The following ZFYVE16 variants were observed in gnomAD, a reference collection of about 807,000 sequenced individuals.
The protein encoded by ZFYVE16 is zinc finger FYVE-type containing 16, also known as zinc finger FYVE domain-containing protein 16.
In ZFYVE16, 89 loss-of-function variants were observed where a neutral mutation model predicts 138.1. The observed-to-expected ratio is 0.64, with a 90% CI of 0.54 to 0.77. The LOEUF is 0.77. ZFYVE16 is among the 30% of genes least tolerant of loss of function. ZFYVE16 has a pLI of 0.00. For missense variants in ZFYVE16, 1,793 were observed against 1,786.7 expected (o/e 1.00, Z -0.06); for synonymous variants, 596 against 618.3 (o/e 0.96, Z 0.53).
chr5:80,432,400 G>A (rs1749182048), intron 2 of ZFYVE16, among the ~76,000 whole-genome samples: 1 of 152,168 alleles, frequency 6.6e-6, no homozygotes, highest in Non-Finnish European at 1.5e-5. Flanking sequence ...AGCTGAAACT[G>A]GAATCCCTTC....
rs1208201212 is a variant in ZFYVE16, at chr5:80,470,101, A to ATAT, written c.4025-2659_4025-2658insATT. Among the ~76,000 whole-genome samples the ATAT allele has an allele frequency of 6.8e-3, 741 of 108,514 alleles. 23 individuals are homozygous for ATAT. The highest frequency in any genetic ancestry group is 0.03 in the African/African-American group (707 of 23,620). 71.2% of individuals were successfully genotyped at this position (108,514 alleles called of 152,430 possible). A position where few individuals can be genotyped will look rare whatever the true frequency, so the allele number is the denominator to read the frequency against. ...TGTGTGTGTGTGTGTGTGTGTGTGT[A>ATAT]TTTTTTTTTTTTTTTTTTGAGACAG... On this transcript the variant is annotated intron_variant, in intron 15 of 18. Transcript: ENST00000505560.
Position 80,445,255 on chromosome 5 carries a change from G to T in ZFYVE16, c.2582-8G>T. 1 of 1,602,592 alleles carries T rather than the reference G, an allele frequency of 6.2e-7. No homozygotes were observed. Among genetic ancestry groups the T allele is most frequent in the South Asian group, 1.1e-5 (1 of 88,498 alleles). Reference sequence around the variant, plus strand: ...ATTCAAATGTTTTACTTTTTCAATTGATTCTAGGACTATGTTCCAAAGAAC... The same window carrying T: ...ATTCAAATGTTTTACTTTTTCAATTTATTCTAGGACTATGTTCCAAAGAAC... On this transcript the variant is annotated splice_polypyrimidine_tract_variant and splice_region_variant and intron_variant, in intron 6 of 18. Transcript: ENST00000505560.
chr5:80,439,242 A>G (rs1750378441), intron 4 of ZFYVE16, among the ~76,000 whole-genome samples: 1 of 152,350 alleles, frequency 6.6e-6, no homozygotes, highest in East Asian at 1.9e-4. Context: ...AATGAGAAAC[A>G]ATTATTTAGT....
Position 80,437,235 on chromosome 5 carries a change from A to G in ZFYVE16, c.550A>G (p.Thr184Ala), listed in dbSNP as rs199870656. 1.2e-6 allele frequency: 2 copies of G among 1,613,976 alleles called. No individual in the cohort carries two copies. The highest frequency in any genetic ancestry group is 1.7e-6 in the Non-Finnish European group (2 of 1,179,936). ...CVSSTDHDSD[T>A]VREQQNDISS... ...TTCTTCAACAGACCATGATAGTGAT[A>G]CTGTCAGAGAACAACAGAATGATAT... Residue 184 changes from threonine (T) to alanine (A), a missense_variant, in exon 4 of 19, where the codon ACT (threonine) becomes GCT (alanine). Physicochemically the swap from Thr to Ala is moderately conservative, Grantham distance 58 (BLOSUM62 0). Around this residue, in one of 2 missense-constraint regions of ZFYVE16, gnomAD observed 1,295 missense variants for 1,204.3 expected, o/e 1.08. Coordinates refer to ENST00000505560, the MANE Select transcript of ZFYVE16 (RefSeq NM_001284236.3).
At chr5:80,419,802 G>GT (rs749112855) in intron 1 of ZFYVE16, among the ~76,000 whole-genome samples, 5 of 145,842 alleles carry the variant, frequency 3.4e-5, no homozygotes, top group East Asian at 3.9e-4. Context: ...CATGTCTTTG[G>GT]TTTTTTTTTG....
At chr5:80,470,283 A>G (rs1754241811) in intron 15 of ZFYVE16, among the ~76,000 whole-genome samples, 1 of 148,700 alleles carries the variant, frequency 6.7e-6, no homozygotes, top group Admixed American at 6.7e-5. Context: ...TCGTATTTTT[A>G]GTAGAGACAG....
rs375308114 is a variant in ZFYVE16, at chr5:80,448,264, G to A, written c.2963G>A (p.Ser988Asn). ...PSSPTGVLVN[S>N]NLPIASISDY... ...AGTCCTACTGGTGTCTTAGTTAACA[G>A]CAATTTACCTATTGCTAGTATTTCA... Residue 988 changes from serine (S) to asparagine (N), a missense_variant, in exon 8 of 19, where the codon AGC becomes AAC. Ser to Asn is a conservative substitution (Grantham distance 46, BLOSUM62 1). Coordinates refer to ENST00000505560, the MANE Select transcript of ZFYVE16 (RefSeq NM_001284236.3). 7 of 1,613,546 alleles carry A rather than the reference G, an allele frequency of 4.3e-6. No individual in the cohort carries two copies. The African/African-American group carries it at 6.7e-5, about 15-fold the overall frequency.
intron 7 of ZFYVE16, among the ~76,000 whole-genome samples, chr5:80,447,266 CAAAAAAA>C (rs56836828): frequency 1.4e-5 from 1 of 69,288 alleles, no homozygotes; most frequent in African/African-American, 4.9e-5. Flanking sequence ...GACTCCATCT[CAAAAAAA>C]AAAAAAAAAA....
chr5:80,449,587 T>G lies in ZFYVE16; in HGVS notation c.3104-4T>G. On this transcript the variant is annotated splice_polypyrimidine_tract_variant and splice_region_variant and intron_variant, in intron 8 of 18. Transcript: ENST00000505560. ...CTGATTAATATATTACTTTCATCAT[T>G]TAGTGCCTGTAGTAGAAGAACATCC... is the stretch of plus-strand genomic sequence containing the variant. 3.1e-6 allele frequency: 5 copies of G among 1,604,178 alleles called. No individual in the cohort carries two copies. The highest frequency in any genetic ancestry group is 4.2e-6 in the Non-Finnish European group (5 of 1,176,938).
At chr5:80,456,663 A>G in intron 13 of ZFYVE16, 98 bp downstream of exon 13, 5 of 1,010,522 alleles carry the variant, frequency 4.9e-6, no homozygotes, top group Non-Finnish European at 7.2e-6. Flanking sequence ...TAGACTATCT[A>G]ATGTATTATG....
At chr5:80,462,055 A>G (rs1753177435) in intron 15 of ZFYVE16, among the ~76,000 whole-genome samples, 1 of 152,166 alleles carries the variant, frequency 6.6e-6, no homozygotes, top group South Asian at 2.1e-4. Flanking sequence ...TTAACTCCTT[A>G]AAGGCCCAAC....
In ZFYVE16 at chr5:80,480,560, A is replaced by G. The variant is rs571426745; in HGVS notation, c.*3183A>G. Among the ~76,000 whole-genome samples, 34 of 152,266 alleles carry G rather than the reference A, an allele frequency of 2.2e-4. No homozygotes were observed. In the East Asian group the frequency reaches 4.2e-3, roughly 19 times the overall value. Reference sequence around the variant, plus strand: ...GAATGCAGAATTTTAAAAACTGATGAAAGACATGACCCCACACATTCTAGA... The same window carrying G: ...GAATGCAGAATTTTAAAAACTGATGGAAGACATGACCCCACACATTCTAGA... On this transcript the variant is annotated 3_prime_UTR_variant, in exon 19 of 19. Coordinates refer to ENST00000505560, the MANE Select transcript of ZFYVE16 (RefSeq NM_001284236.3).
At chr5:80,425,304 T>A (rs998907224) in intron 1 of ZFYVE16, among the ~76,000 whole-genome samples, 5 of 152,184 alleles carry the variant, frequency 3.3e-5, no homozygotes, top group Non-Finnish European at 7.3e-5. Context: ...AAGCTCTGCC[T>A]AATTTTCAAG....
intron 1 of ZFYVE16, among the ~76,000 whole-genome samples, chr5:80,417,503 A>G (rs1340464930): frequency 1.3e-5 from 2 of 152,090 alleles, no homozygotes; most frequent in Non-Finnish European, 2.9e-5. Context: ...ACTCTCCCCC[A>G]CTTTAAACCA....
intron 1 of ZFYVE16, among the ~76,000 whole-genome samples, chr5:80,416,107 G>A (rs1351745334): frequency 6.6e-6 from 1 of 151,902 alleles, no homozygotes; most frequent in Non-Finnish European, 1.5e-5. Flanking sequence ...GCACACTTAA[G>A]GAATGGGGAG....
At chr5:80,417,062 A>G (rs1002841462) in intron 1 of ZFYVE16, among the ~76,000 whole-genome samples, 6 of 152,212 alleles carry the variant, frequency 3.9e-5, no homozygotes, top group African/African-American at 1.4e-4. Context: ...CTCCCCTGCC[A>G]TAACCTCCTC....
intron 14 of ZFYVE16, among the ~76,000 whole-genome samples, chr5:80,458,858 CCTCA>C (rs1295701827): frequency 6.6e-6 from 1 of 152,126 alleles, no homozygotes; most frequent in Non-Finnish European, 1.5e-5. Flanking sequence ...TTTCCTACAC[CCTCA>C]CTAATATAGG....
At position 80,427,971 on chromosome 5, in the gene ZFYVE16, C is replaced by CAAAAAA. The variant is rs386404254; in HGVS notation, c.-40+446_-40+451dup. Reference sequence around the variant, plus strand: ...TGCGTGACAGAGCGAGACTCCATCTCAAAAAAAAAAAAAAAAAAAAAAAAA... The same window carrying CAAAAAA: ...TGCGTGACAGAGCGAGACTCCATCTCAAAAAAAAAAAAAAAAAAAAAAAAAAAAAAA... On this transcript the variant is annotated intron_variant, in intron 2 of 18. Transcript: ENST00000505560. Among the ~76,000 whole-genome samples, 305 of 48,000 alleles carry CAAAAAA rather than the reference C, an allele frequency of 6.4e-3. 44 individuals are homozygous for CAAAAAA. The highest frequency in any genetic ancestry group is 0.016 in the African/African-American group (140 of 8,534). 31.5% of individuals were successfully genotyped at this position (48,000 alleles called of 152,430 possible).
chr5:80,435,768 T>TAAAAAATATA, intron 3 of ZFYVE16: 1 of 433,464 alleles, frequency 2.3e-6, no homozygotes, highest in Non-Finnish European at 4.6e-6. Flanking sequence ...ACAGATGGGG[T>TAAAAAATATA]CTCACTGTGT....
Sources: allele counts gnomAD v4.1 joint callset (sites outside exome capture counted in the v4.1 genomes callset), GRCh38; gene constraint gnomAD v4.1.1; regional missense constraint gnomAD v4.1.1; transcripts MANE v1.5; gene names NCBI Gene and HGNC (gene_info 2026-07-23, HGNC 2026-07-21).